The following ZSWIM5 variants were observed in gnomAD, a reference collection of about 807,000 sequenced individuals.
The protein encoded by ZSWIM5 is zinc finger SWIM-type containing 5, also known as zinc finger SWIM domain-containing protein 5.
A neutral mutation model predicts 119.6 loss-of-function variants in ZSWIM5; 55 were observed. The observed-to-expected ratio is 0.46, with a 90% CI of 0.37 to 0.58. The LOEUF is 0.58. Ranked by LOEUF, ZSWIM5 falls within the 20% of genes least tolerant of loss-of-function variation. The pLI, the probability that ZSWIM5 is intolerant of heterozygous loss-of-function variation, is 0.00. For missense variants in ZSWIM5, 1,193 were observed against 1,512.8 expected, an observed-to-expected ratio of 0.79 and a Z score of 3.51; for synonymous variants, 537 against 606.9, an observed-to-expected ratio of 0.88 and a Z score of 1.69.
At chr1:45,130,440 T>C (rs369026687) in intron 1 of ZSWIM5, among the ~76,000 whole-genome samples, 11 of 148,608 alleles carry the variant, frequency 7.4e-5, no homozygotes, top group African/African-American at 2.7e-4. Context: ...GCAAAAGACA[T>C]GAAGAGACAT....
chr1:45,107,013 A>C (rs1214664286), intron 1 of ZSWIM5, among the ~76,000 whole-genome samples: 1 of 152,208 alleles, frequency 6.6e-6, no homozygotes, highest in East Asian at 1.9e-4. Context: ...ACTTGAAGAC[A>C]GCATACTCGT....
intron 4 of ZSWIM5, among the ~76,000 whole-genome samples, chr1:45,055,406 G>A (rs1416074629): frequency 2.0e-5 from 3 of 152,138 alleles, no homozygotes; most frequent in Non-Finnish European, 2.9e-5. Flanking sequence ...GATTACAGGC[G>A]TGAGAAACCG....
chr1:45,138,818 C>T (rs929608149), intron 1 of ZSWIM5, among the ~76,000 whole-genome samples: 1 of 152,008 alleles, frequency 6.6e-6, no homozygotes, highest in African/African-American at 2.4e-5. Flanking sequence ...CATTAACTCA[C>T]GTGTGGATGA....
intron 1 of ZSWIM5, among the ~76,000 whole-genome samples, chr1:45,109,633 T>G (rs1054117399): frequency 2.9e-4 from 44 of 151,592 alleles, no homozygotes; most frequent in African/African-American, 1.1e-3. Context: ...TAGTCCCAGC[T>G]ACTCGGGAGG....
At chr1:45,092,349 T>A (rs1391253482) in intron 1 of ZSWIM5, among the ~76,000 whole-genome samples, 2 of 152,036 alleles carry the variant, frequency 1.3e-5, no homozygotes, top group Admixed American at 1.3e-4. Flanking sequence ...CAGGCAGGAG[T>A]GCAGTGGCCC....
intron 2 of ZSWIM5, among the ~76,000 whole-genome samples, chr1:45,081,651 C>T (rs1405735065): frequency 1.3e-5 from 2 of 152,204 alleles, no homozygotes; most frequent in Admixed American, 6.5e-5. Context: ...GGCGTGATCT[C>T]GGCTTGCTAC....
At chr1:45,033,174 T>C (rs190510825) in intron 11 of ZSWIM5, among the ~76,000 whole-genome samples, 4 of 152,336 alleles carry the variant, frequency 2.6e-5, no homozygotes. Context: ...TATCTCAGGC[T>C]AATTTTAATT....
Position 45,206,045 on chromosome 1 carries a change from G to T in ZSWIM5, c.306C>A (p.Phe102Leu). ...PVQRRIVYWS[F>L]PRNEREICMY... ...TGCAGATCTCCCGCTCATTCCGCGG[G>T]AAGGACCAGTAGACGATGCGGCGCT... Residue 102 changes from phenylalanine to leucine, a missense_variant, in exon 1 of 14, where the codon TTC becomes TTA. Transcript: ENST00000359600. The T allele has an allele frequency of 6.2e-7, 1 of 1,608,196 alleles. No individual in the cohort carries two copies. Among genetic ancestry groups the T allele is most frequent in the Non-Finnish European group, 8.5e-7 (1 of 1,177,850 alleles).
chr1:45,164,448 A>AGGAT (rs752398828), intron 1 of ZSWIM5, among the ~76,000 whole-genome samples: 31 of 152,276 alleles, frequency 2.0e-4, no homozygotes, highest in Admixed American at 7.2e-4. Context: ...TCATAATGAC[A>AGGAT]GGATCAAATT....
chr1:45,135,465 G>C (rs908550866), intron 1 of ZSWIM5, among the ~76,000 whole-genome samples: 1 of 152,106 alleles, frequency 6.6e-6, no homozygotes, highest in African/African-American at 2.4e-5. Context: ...TCTTCTAATG[G>C]TTTAGCTTTA....
At chr1:45,125,547 G>A (rs958734698) in intron 1 of ZSWIM5, among the ~76,000 whole-genome samples, 2 of 152,158 alleles carry the variant, frequency 1.3e-5, no homozygotes, top group African/African-American at 4.8e-5. Flanking sequence ...GGCCAACGCA[G>A]GGGGAATCAC....
intron 1 of ZSWIM5, among the ~76,000 whole-genome samples, chr1:45,184,786 G>C (rs1646046830): frequency 6.6e-6 from 1 of 151,938 alleles, no homozygotes; most frequent in Non-Finnish European, 1.5e-5. Flanking sequence ...CATGCTCATG[G>C]GTAGGAAGAA....
At chr1:45,033,957 C>T (rs1042612757) in intron 11 of ZSWIM5, among the ~76,000 whole-genome samples, 25 of 151,972 alleles carry the variant, frequency 1.6e-4, no homozygotes, top group Non-Finnish European at 2.5e-4. Flanking sequence ...CTGCCTCACG[C>T]CATTCTCCTG....
intron 1 of ZSWIM5, among the ~76,000 whole-genome samples, chr1:45,191,190 C>T (rs1003567770): frequency 6.6e-6 from 1 of 152,036 alleles, no homozygotes; most frequent in Non-Finnish European, 1.5e-5. Context: ...GCCTCGGCCT[C>T]CCAAAGTGCT....
chr1:45,024,624 C>T (rs1274329344), intron 11 of ZSWIM5, among the ~76,000 whole-genome samples: 3 of 150,676 alleles, frequency 2.0e-5, no homozygotes, highest in Non-Finnish European at 4.4e-5. Context: ...TAGATTTTCT[C>T]CTAGATTATC....
At chr1:45,155,625 G>A (rs1645822557) in intron 1 of ZSWIM5, among the ~76,000 whole-genome samples, 1 of 152,136 alleles carries the variant, frequency 6.6e-6, no homozygotes, top group South Asian at 2.1e-4. Flanking sequence ...TGTGGAACCA[G>A]CCCAAATGCC....
chr1:45,205,678 G>A, intron 1 of ZSWIM5, 78 bp downstream of exon 1: 1 of 1,368,270 alleles, frequency 7.3e-7, no homozygotes, highest in Non-Finnish European at 9.6e-7. Context: ...CGGGGTCTCG[G>A]CCCCAGGGCT....
chr1:45,185,448 T>C (rs566991226), intron 1 of ZSWIM5, among the ~76,000 whole-genome samples: 8 of 151,812 alleles, frequency 5.3e-5, no homozygotes, highest in Non-Finnish European at 1.0e-4. Context: ...GAAACTACGA[T>C]CAGAGTGAAC....
intron 1 of ZSWIM5, among the ~76,000 whole-genome samples, chr1:45,164,230 G>A (rs1376758896): frequency 1.3e-5 from 2 of 152,186 alleles, no homozygotes; most frequent in South Asian, 2.1e-4. Context: ...AAGCTTCACA[G>A]GTGAAGGAGA....
Sources: gnomAD v4.1 joint callset for allele counts (sites outside exome capture counted in the v4.1 genomes callset) on GRCh38, gnomAD v4.1.1 for gene constraint, MANE v1.5 for transcripts, NCBI Gene and HGNC (gene_info 2026-07-23, HGNC 2026-07-21) for gene names.